TRRAP: variants seen among roughly 807,000 people sequenced by gnomAD.
The protein encoded by TRRAP is transformation/transcription domain associated protein.
A neutral mutation model predicts 438.8 loss-of-function variants in TRRAP; 41 were observed. The observed-to-expected ratio is 0.09, with a 90% confidence interval of 0.07 to 0.12. The LOEUF is 0.12. TRRAP is among the 10% of genes least tolerant of loss of function. The pLI is 1.00. For synonymous variants in TRRAP, 1,994 were observed against 1,962.9 expected, an observed-to-expected ratio of 1.02 and a Z score of -0.42; for missense variants, 3,122 against 5,055.1, an observed-to-expected ratio of 0.62 and a Z score of 11.60.
intron 1 of TRRAP, among the ~76,000 whole-genome samples, chr7:98,879,038 T>C (rs1396527347): frequency 6.6e-6 from 1 of 151,410 alleles, no homozygotes; most frequent in Non-Finnish European, 1.5e-5. Context: ...TCCGGGCCTC[T>C]ACGCCGGCAC....
At chr7:99,001,504 A>C (rs900793834) in intron 67 of TRRAP, among the ~76,000 whole-genome samples, 3 of 152,190 alleles carry the variant, frequency 2.0e-5, no homozygotes, top group African/African-American at 7.2e-5. Context: ...GTAGAGAATC[A>C]GAAATGGGAT....
At chr7:98,983,125 G>A (rs1292526622) in intron 59 of TRRAP, 139 bp from the exon 60 acceptor site, 33 of 751,582 alleles carry the variant, frequency 4.4e-5, no homozygotes, top group Non-Finnish European at 6.6e-5. Context: ...GGTGTCTGTG[G>A]TGTAAATGAG....
At chr7:98,962,780 G>A in intron 47 of TRRAP, among the ~76,000 whole-genome samples, 1 of 152,214 alleles carries the variant, frequency 6.6e-6, no homozygotes, top group East Asian at 1.9e-4. Context: ...CTGCCTGTGA[G>A]TCAGCCACTC....
intron 20 of TRRAP, among the ~76,000 whole-genome samples, chr7:98,918,293 C>T (rs984296966): frequency 9.8e-5 from 14 of 143,566 alleles, no homozygotes; most frequent in African/African-American, 3.4e-4. Flanking sequence ...TGCAGAGGCG[C>T]GATCTCGGCT....
intron 59 of TRRAP, among the ~76,000 whole-genome samples, chr7:98,982,676 G>C (rs1193749289): frequency 6.6e-6 from 1 of 152,214 alleles, no homozygotes; most frequent in African/African-American, 2.4e-5. Context: ...TTCCAGGTGA[G>C]AAGGTGGTAT....
At chr7:98,878,871 CGCTCGGCGCTCGCCGTA>C in intron 1 of TRRAP, among the ~76,000 whole-genome samples, 1 of 152,150 alleles carries the variant, frequency 6.6e-6, no homozygotes, top group Admixed American at 6.5e-5. Flanking sequence ...CGGGAATTGG[CGCTCGGCGCTCGCCGTA>C]GCTCGGCCTG....
At chr7:99,000,765 C>A (rs1793886127) in intron 67 of TRRAP, among the ~76,000 whole-genome samples, 1 of 152,200 alleles carries the variant, frequency 6.6e-6, no homozygotes, top group Non-Finnish European at 1.5e-5. Flanking sequence ...CCTTTCCCTT[C>A]CTCATCAGCA....
At chr7:98,985,323 C>T (rs554849027) in intron 62 of TRRAP, among the ~76,000 whole-genome samples, 6 of 152,326 alleles carry the variant, frequency 3.9e-5, no homozygotes, top group South Asian at 2.1e-4. Flanking sequence ...TTCCTCAGTC[C>T]GCCATTTACA....
At position 98,976,516 on chromosome 7, in the gene TRRAP, A is replaced by G; in HGVS notation, c.7993A>G (p.Ser2665Gly). The G allele has an allele frequency of 1.2e-6, 2 of 1,612,692 alleles. No homozygotes were observed. Among genetic ancestry groups the G allele is most frequent in the Non-Finnish European group, 1.7e-6 (2 of 1,180,024 alleles). ...LAGEISPFLC[S>G]GSHQVQRDCQ... The stretch of plus-strand genomic sequence containing the variant: ...GGGTGAGATAAGTCCATTTCTGTGC[A>G]GCGGCAGTCACCAGGTGCAGCGGGA... The change falls in exon 55 of 73, where the codon AGC (serine) becomes GGC (glycine). Residue 2665 changes from serine (S) to glycine (G), a missense_variant. Around this residue, in one of 24 missense-constraint regions of TRRAP, gnomAD observed 992 missense variants for 1,281.2 expected, o/e 0.77. Transcript: ENST00000456197. This position sits in a 1 kb window ranked among gnomAD's most constrained non-coding sequence, Gnocchi z 4.6.
At chr7:98,910,976 G>A in intron 16 of TRRAP, 101 bp from the exon 17 acceptor site, 2 of 946,452 alleles carry the variant, frequency 2.1e-6, no homozygotes, top group Middle Eastern at 3.2e-4. Context: ...TCTAATTTAA[G>A]TGCTCTATTT....
At chr7:99,001,293 GCCCGGTCCTC>G (rs1403279565) in intron 67 of TRRAP, among the ~76,000 whole-genome samples, 1 of 152,230 alleles carries the variant, frequency 6.6e-6, no homozygotes, top group Non-Finnish European at 1.5e-5. Context: ...TGAAGGGCAA[GCCCGGTCCTC>G]CCCGTCTATA....
At chr7:98,997,758 G>A (rs558401831) in intron 67 of TRRAP, among the ~76,000 whole-genome samples, 3 of 152,268 alleles carry the variant, frequency 2.0e-5, no homozygotes, top group East Asian at 1.9e-4. Context: ...TGGAACAAAC[G>A]TAGCAAAGAC....
In TRRAP at chr7:98,950,226, C is replaced by G; in HGVS notation, c.5298C>G (p.Phe1766Leu). 6.2e-7 allele frequency: 1 copy of G among 1,614,202 alleles called. No homozygotes were observed. Among genetic ancestry groups the G allele is most frequent in the South Asian group, 1.1e-5 (1 of 91,074 alleles). ...CCCTGTTCTTTCGCTTTGTAGACTT[C>G]AACGACCCCAACTTCGGAGATGAAT... ...KRALFFRFVD[F>L]NDPNFGDELK... Residue 1766 changes from phenylalanine (F) to leucine (L), a missense_variant, in exon 38 of 73, where the codon TTC becomes TTG. By Grantham distance (22) the Phe-to-Leu change is conservative (BLOSUM62 0). Coordinates refer to ENST00000456197, the MANE Select transcript of TRRAP (RefSeq NM_001375524.1).
At chr7:98,902,659 G>T (rs1554406836) in intron 11 of TRRAP, among the ~76,000 whole-genome samples, 1 of 152,064 alleles carries the variant, frequency 6.6e-6, no homozygotes, top group Non-Finnish European at 1.5e-5. Context: ...GCGTTATCTT[G>T]GTGAGTGGCC....
chr7:98,928,058 G>A (rs13234181), intron 23 of TRRAP, among the ~76,000 whole-genome samples: 1 of 152,088 alleles, frequency 6.6e-6, no homozygotes, highest in South Asian at 2.1e-4. Flanking sequence ...GACCAACATG[G>A]AGAAATCCCG....
intron 21 of TRRAP, 59 bp from the exon 22 acceptor site, chr7:98,925,053 G>A: frequency 6.5e-7 from 1 of 1,549,070 alleles, no homozygotes; most frequent in Admixed American, 2.1e-5. Flanking sequence ...TTCAGTGAAA[G>A]CTTTTCACAA....
intron 67 of TRRAP, chr7:98,999,435 T>C (rs1166806580): frequency 1.0e-5 from 10 of 970,264 alleles, no homozygotes; most frequent in Middle Eastern, 2.2e-4. Context: ...AAAATCTAGC[T>C]CTGATGGGAG....
intron 3 of TRRAP, among the ~76,000 whole-genome samples, chr7:98,882,781 C>A (rs7797497): frequency 0.012 from 1,827 of 151,622 alleles, 40 homozygotes; most frequent in African/African-American, 0.042. Context: ...CCTGCCGTAG[C>A]CTCCCAAGTA....
In TRRAP at chr7:98,949,733, G is replaced by A. The variant is rs373632999; in HGVS notation, c.5027G>A (p.Arg1676His). ...CACTCTCTGGTGAGCCAGTTGCGACGTGTGTGGGTGAGTGAGAACTTCCAA... is the reference window on the plus strand; with the variant it reads ...CACTCTCTGGTGAGCCAGTTGCGACATGTGTGGGTGAGTGAGAACTTCCAA... ...SQHSLVSQLR[R>H]VWVSENFQER... The change falls in exon 37 of 73, where the codon CGT becomes CAT. Residue 1676 changes from arginine to histidine, a missense_variant. By Grantham distance (29) the Arg-to-His change is conservative. Around this residue, in one of 24 missense-constraint regions of TRRAP, gnomAD observed 272 missense variants for 348.5 expected, o/e 0.78. Coordinates refer to ENST00000456197, the MANE Select transcript of TRRAP (RefSeq NM_001375524.1). The A allele has an allele frequency of 5.1e-5, 83 of 1,613,868 alleles. No homozygotes were observed. Among genetic ancestry groups the A allele is most frequent in the African/African-American group, 6.7e-5 (5 of 74,932 alleles).
Sources: allele counts gnomAD v4.1 joint callset (sites outside exome capture counted in the v4.1 genomes callset), GRCh38; gene constraint gnomAD v4.1.1; regional missense constraint gnomAD v4.1.1; non-coding constraint Gnocchi (gnomAD v3.1); transcripts MANE v1.5; gene names NCBI Gene and HGNC (gene_info 2026-07-23, HGNC 2026-07-21).